KCNC4: variants seen among roughly 807,000 people sequenced by gnomAD.
The protein encoded by KCNC4 is voltage-gated potassium channel KCNC4.
KCNC4 carries 23 observed loss-of-function variants against 42.8 expected under a neutral mutation model. The observed-to-expected ratio is 0.54, with a 90% confidence interval of 0.39 to 0.76. The LOEUF is 0.76. KCNC4 is among the 30% of genes least tolerant of loss of function. The pLI, the probability that KCNC4 is intolerant of heterozygous loss-of-function variation, is 0.00. For missense variants in KCNC4, 751 were observed against 898.2 expected (o/e 0.84, Z 2.10); for synonymous variants, 422 against 393.5 (o/e 1.07, Z -0.86).
At chr1:110,234,068 C>G (rs1016633583), downstream of KCNC4, 2 of 152,484 alleles carry the variant, frequency 1.3e-5, no homozygotes, top group Non-Finnish European at 2.9e-5. Context: ...CCTCTCCTTT[C>G]TGGCTCTGTG....
chr1:110,225,406 T>C (rs1658332137), intron 2 of KCNC4: 1 of 152,354 alleles, frequency 6.6e-6, no homozygotes, highest in African/African-American at 2.4e-5. Flanking sequence ...TTTCTCATGG[T>C]ATCCTCCCCA....
intron 3 of KCNC4, among the ~76,000 whole-genome samples, chr1:110,230,327 A>T (rs1658628574): frequency 6.6e-6 from 1 of 152,110 alleles, no homozygotes; most frequent in South Asian, 2.1e-4. Flanking sequence ...AGTGACAGGG[A>T]TGGGGAAGCC....
chr1:110,227,738 C>T (rs148614681), intron 3 of KCNC4, among the ~76,000 whole-genome samples: 17 of 151,716 alleles, frequency 1.1e-4, no homozygotes, highest in Non-Finnish European at 1.8e-4. Context: ...CTGAGTGCCA[C>T]GCATCCCTGC....
At chr1:110,226,439 G>T in intron 3 of KCNC4, 1 of 522,704 alleles carries the variant, frequency 1.9e-6, no homozygotes, top group South Asian at 2.1e-5. Context: ...GGGTGCACAA[G>T]GCCAGGGTCC....
Position 110,281,555 on chromosome 1 carries a change from A to ACACACACACACAC in KCNC4, n.31-979_31-978insCACACACACACAC, listed in dbSNP as rs71752517. Among the ~76,000 whole-genome samples the ACACACACACACAC allele has an allele frequency of 2.6e-3, 361 of 140,436 alleles. 2 individuals are homozygous for ACACACACACACAC. Among genetic ancestry groups the ACACACACACACAC allele is most frequent in the Middle Eastern group, 0.015 (4 of 266 alleles). The allele number at this position is 140,436 out of a possible 152,430, so 92.1% of individuals were successfully genotyped here. ...TTATCTGACTCCCCACATATGTAAA[A>ACACACACACACAC]ACACACACACACACACACACACACA... On this transcript the variant is annotated intron_variant and non_coding_transcript_variant, in intron 1 of 2. Transcript: ENST00000412512.
intron 3 of KCNC4, 174 bp from the exon 4 acceptor site, chr1:110,232,737 C>T (rs1386616624): frequency 6.6e-6 from 10 of 1,526,234 alleles, no homozygotes; most frequent in East Asian, 2.5e-5. Context: ...CAGCTCTGCT[C>T]CTGGTCTACT....
intron 1 of KCNC4, among the ~76,000 whole-genome samples, chr1:110,256,133 C>T (rs983872165): frequency 3.3e-5 from 5 of 152,200 alleles, no homozygotes; most frequent in Non-Finnish European, 7.3e-5. Context: ...CCTATTCTTG[C>T]TATCATCTGG....
At chr1:110,225,866 C>G (rs1158336612) in intron 2 of KCNC4, 109 bp from the exon 3 acceptor site, 3 of 1,051,338 alleles carry the variant, frequency 2.9e-6, no homozygotes, top group Admixed American at 2.3e-5. Context: ...ATGCTAGGCC[C>G]CTCCCAAGGT....
chr1:110,244,939 A>G (rs1246965883), exon 4 of KCNC4: 4 of 152,278 alleles, frequency 2.6e-5, no homozygotes, highest in Non-Finnish European at 5.9e-5. Context: ...ATAAAGCTCC[A>G]ATGAGATCCT....
chr1:110,211,948 A>G lies in KCNC4; in HGVS notation c.449A>G (p.Gln150Arg). The change falls in exon 1 of 4, where the codon CAG becomes CGG. Residue 150 changes from glutamine to arginine, a missense_variant. Gln to Arg is a conservative substitution (Grantham distance 43). This residue lies in a region of KCNC4 where 183 missense variants were observed against 255.8 expected (regional missense o/e 0.72). Transcript: ENST00000438661. This position sits in a 1 kb window ranked among gnomAD's most constrained non-coding sequence, Gnocchi z 6.5. ...CCCTGCTGCTGGATGACCTACCGGC[A>G]GCACCGCGACGCCGAGGAGGCGCTC... ...VEPCCWMTYR[Q>R]HRDAEEALDI... 1.2e-6 allele frequency: 2 copies of G among 1,611,346 alleles called. No homozygotes were observed. Among genetic ancestry groups the G allele is most frequent in the East Asian group, 2.2e-5 (1 of 44,834 alleles).
At chr1:110,237,644 C>CA (rs1658938659), downstream of KCNC4, 1 of 152,232 alleles carries the variant, frequency 6.6e-6, no homozygotes, top group South Asian at 2.1e-4. Context: ...CTTTCTGACT[C>CA]ACGTGGCACA....
intron 3 of KCNC4, chr1:110,232,705 G>T: frequency 6.7e-7 from 1 of 1,496,266 alleles, no homozygotes; most frequent in Non-Finnish European, 8.9e-7. Context: ...TGGCCTTTTA[G>T]CCCTGGGTTC....
At chr1:110,236,159 AAG>A (rs1181497550), downstream of KCNC4, 2 of 152,262 alleles carry the variant, frequency 1.3e-5, no homozygotes, top group African/African-American at 4.8e-5. Flanking sequence ...GTGAAGGAAT[AAG>A]AGGGGATGAT....
chr1:110,262,724 CCTA>C (rs1659476531), intron 1 of KCNC4, among the ~76,000 whole-genome samples: 1 of 152,214 alleles, frequency 6.6e-6, no homozygotes, highest in Admixed American at 6.5e-5. Context: ...CTTCCTCTCC[CCTA>C]CTAAGTGGAG....
intron 1 of KCNC4, among the ~76,000 whole-genome samples, chr1:110,217,397 T>A (rs578226210): frequency 6.6e-6 from 1 of 152,262 alleles, no homozygotes; most frequent in Non-Finnish European, 1.5e-5. Context: ...TATAAATACA[T>A]ACATAAATAA....
intron 1 of KCNC4, among the ~76,000 whole-genome samples, chr1:110,215,803 G>A (rs569161846): frequency 1.7e-4 from 26 of 152,318 alleles, no homozygotes; most frequent in African/African-American, 6.3e-4. Context: ...CAGGCCTGGT[G>A]GGGCTTTCTC....
downstream of KCNC4, chr1:110,236,475 G>A (rs1360276727): frequency 6.6e-6 from 1 of 152,178 alleles, no homozygotes; most frequent in African/African-American, 2.4e-5. Flanking sequence ...GATTCTCATA[G>A]CAAAGGTATT....
intron 1 of KCNC4, among the ~76,000 whole-genome samples, chr1:110,266,970 C>G (rs907617837): frequency 6.6e-6 from 1 of 152,206 alleles, no homozygotes; most frequent in Non-Finnish European, 1.5e-5. Flanking sequence ...TGAGCAAACA[C>G]CATCTGCCAA....
chr1:110,249,200 C>T (rs12138917), downstream of KCNC4: 44,006 of 152,186 alleles, frequency 0.29, 7,120 homozygotes, highest in Non-Finnish European at 0.36. Flanking sequence ...CACAGAGGCA[C>T]TTTTGTTGTT....
Sources: allele counts gnomAD v4.1 joint callset (sites outside exome capture counted in the v4.1 genomes callset), GRCh38; gene constraint gnomAD v4.1.1; regional missense constraint gnomAD v4.1.1; non-coding constraint Gnocchi (gnomAD v3.1); transcripts MANE v1.5; gene names NCBI Gene and HGNC (gene_info 2026-07-23, HGNC 2026-07-21).